The following SUGCT variants were observed in gnomAD, a reference collection of about 807,000 sequenced individuals.
SUGCT encodes the protein succinyl-CoA:glutarate-CoA transferase, also known as succinyl-CoA:glutarate CoA-transferase.
In SUGCT, 41 loss-of-function variants were observed where a neutral mutation model predicts 55.0. The ratio of observed to expected loss-of-function variants is 0.74; its 90% confidence interval spans 0.58 to 0.97. The LOEUF is 0.97. SUGCT is among the 50% of genes least tolerant of loss of function. The probability of loss-of-function intolerance (pLI) is 0.00; values close to 1 mark genes in which losing one functional copy is unlikely to be tolerated. For missense variants in SUGCT, 568 were observed against 547.8 expected (o/e 1.04, Z -0.37); for synonymous variants, 187 against 200.4 (o/e 0.93, Z 0.56).
At chr7:40,481,599 A>G (rs1200372356) in intron 11 of SUGCT, among the ~76,000 whole-genome samples, 2 of 152,108 alleles carry the variant, frequency 1.3e-5, no homozygotes, top group African/African-American at 4.8e-5. Context: ...CTACACATTT[A>G]TAAGAAAATA....
rs1391215135 is a variant in SUGCT at position 40,182,016 on chromosome 7, G to T, written c.214G>T (p.Val72Leu). ...LGDLGAEVIK[V>L]ERPGAGDDTR... ...AGATCTTGGAGCAGAAGTTATAAAA[G>T]TGGAGAGACCAGGTAAAGCTATTAC... is the stretch of plus-strand genomic sequence containing the variant. Residue 72 changes from valine (V) to leucine (L), a missense_variant, in exon 3 of 14, where the codon GTG (valine) becomes TTG (leucine). Physicochemically the swap from Val to Leu is conservative, Grantham distance 32 (BLOSUM62 1). Transcript: ENST00000335693. 4 of 1,594,744 alleles carry T rather than the reference G, an allele frequency of 2.5e-6. No individual in the cohort carries two copies. Among genetic ancestry groups the T allele is most frequent in the Non-Finnish European group, 3.4e-6 (4 of 1,167,332 alleles).
Position 40,832,678 on chromosome 7 carries a change from T to G in SUGCT, c.1154-27638T>G, listed in dbSNP as rs1218055316. Among the ~76,000 whole-genome samples the G allele has an allele frequency of 2.7e-4, 24 of 88,558 alleles. No individual in the cohort carries two copies. The Admixed American group carries it at 3.1e-3, about 11-fold the overall frequency. 58.1% of individuals were successfully genotyped at this position (88,558 alleles called of 152,430 possible). A position where few individuals can be genotyped will look rare whatever the true frequency, so the allele number is the denominator to read the frequency against. On this transcript the variant is annotated intron_variant, in intron 13 of 13. Coordinates refer to ENST00000335693, the MANE Select transcript of SUGCT (RefSeq NM_001193313.2). ...CCTTCTTTGTTTCTTCCACTCCTAC[T>G]TTTTTTTTTTTTTTGAGACAGAGTC...
intron 12 of SUGCT, among the ~76,000 whole-genome samples, chr7:40,646,293 C>G (rs1800506104): frequency 6.6e-6 from 1 of 152,176 alleles, no homozygotes; most frequent in African/African-American, 2.4e-5. Context: ...ATTAGTCTTT[C>G]CACTTCTACC....
chr7:40,454,505 A>G (rs1397023950), intron 10 of SUGCT, among the ~76,000 whole-genome samples: 2 of 152,218 alleles, frequency 1.3e-5, no homozygotes, highest in African/African-American at 2.4e-5. Flanking sequence ...GGGATAGCCT[A>G]TTCCTCCTAG....
At chr7:40,837,705 C>G (rs1793060269) in intron 13 of SUGCT, among the ~76,000 whole-genome samples, 1 of 152,088 alleles carries the variant, frequency 6.6e-6, no homozygotes, top group Non-Finnish European at 1.5e-5. Context: ...AGGTTGCCTC[C>G]TGGGTTCAAG....
chr7:40,895,735 C>T, the SUGCT span, among the ~76,000 whole-genome samples: 22 of 151,964 alleles, frequency 1.4e-4, no homozygotes, highest in Admixed American at 1.0e-3. Flanking sequence ...CCACAAAGTC[C>T]TCAAATAGTA....
chr7:40,998,153 G>A, the SUGCT span, among the ~76,000 whole-genome samples: 11 of 152,228 alleles, frequency 7.2e-5, no homozygotes, highest in African/African-American at 2.4e-4. Flanking sequence ...GAACACCTGA[G>A]GCCAGGAGGT....
chr7:40,651,315 G>A (rs1014338303), intron 12 of SUGCT, among the ~76,000 whole-genome samples: 4 of 151,988 alleles, frequency 2.6e-5, no homozygotes, highest in African/African-American at 9.7e-5. Flanking sequence ...TTTCATTGTG[G>A]TTTTAATTTG....
At chr7:40,997,887 C>G in the SUGCT span, among the ~76,000 whole-genome samples, 1 of 152,206 alleles carries the variant, frequency 6.6e-6, no homozygotes, top group East Asian at 1.9e-4. Context: ...CATTTCCTGT[C>G]TTGACAATGG....
At chr7:40,266,448 C>A (rs1245749707) in intron 7 of SUGCT, among the ~76,000 whole-genome samples, 1 of 151,940 alleles carries the variant, frequency 6.6e-6, no homozygotes, top group Admixed American at 6.6e-5. Context: ...TGCGCCTGGC[C>A]TGAAATAGTT....
intron 8 of SUGCT, among the ~76,000 whole-genome samples, chr7:40,295,117 A>G (rs890511841): frequency 2.0e-5 from 3 of 152,236 alleles, no homozygotes; most frequent in East Asian, 1.9e-4. Context: ...AGTATGGAGC[A>G]TAGTACTTTT....
chr7:40,299,730 G>A (rs1794413444), intron 8 of SUGCT, among the ~76,000 whole-genome samples: 1 of 151,892 alleles, frequency 6.6e-6, no homozygotes, highest in Non-Finnish European at 1.5e-5. Flanking sequence ...ATACTTCTTG[G>A]AAATCTTATT....
intron 7 of SUGCT, among the ~76,000 whole-genome samples, chr7:40,266,302 A>G (rs1791574361): frequency 6.9e-6 from 1 of 144,738 alleles, no homozygotes; most frequent in Non-Finnish European, 1.5e-5. Flanking sequence ...GGTGCTTGCC[A>G]CCATGCCTGG....
intron 6 of SUGCT, among the ~76,000 whole-genome samples, chr7:40,198,851 G>A (rs1190394357): frequency 6.6e-6 from 1 of 152,114 alleles, no homozygotes; most frequent in African/African-American, 2.4e-5. Context: ...ACAAAAATTA[G>A]CTGGGTATGG....
chr7:40,255,660 CAAAAAAAAAAAAAAA>C (rs70996898), intron 7 of SUGCT, among the ~76,000 whole-genome samples: 2 of 54,208 alleles, frequency 3.7e-5, no homozygotes, highest in African/African-American at 8.5e-5. Context: ...GACTCTGTAT[CAAAAAAAAAAAAAAA>C]AAAAAAAAAA....
the SUGCT span, among the ~76,000 whole-genome samples, chr7:40,930,508 G>T: frequency 6.6e-6 from 1 of 152,110 alleles, no homozygotes; most frequent in Non-Finnish European, 1.5e-5. Context: ...AAATTACCTT[G>T]GGCAGTATGG....
intron 6 of SUGCT, among the ~76,000 whole-genome samples, chr7:40,213,927 G>T (rs1787483040): frequency 6.6e-6 from 1 of 151,748 alleles, no homozygotes; most frequent in Admixed American, 6.6e-5. Flanking sequence ...CCTCCTCCTT[G>T]CATCAGCCCT....
At chr7:40,351,135 G>C (rs1265919570) in intron 9 of SUGCT, among the ~76,000 whole-genome samples, 2 of 152,002 alleles carry the variant, frequency 1.3e-5, no homozygotes, top group Non-Finnish European at 2.9e-5. Context: ...CTTTATTGCT[G>C]TGTAAGCCTT....
intron 6 of SUGCT, among the ~76,000 whole-genome samples, chr7:40,201,019 G>C (rs572032407): frequency 3.9e-5 from 6 of 151,930 alleles, no homozygotes; most frequent in African/African-American, 7.2e-5. Context: ...GAGTTAGTCT[G>C]TGTGTGTGTG....
Sources: gnomAD v4.1 joint callset for allele counts (sites outside exome capture counted in the v4.1 genomes callset) on GRCh38, gnomAD v4.1.1 for gene constraint, MANE v1.5 for transcripts, NCBI Gene and HGNC (gene_info 2026-07-23, HGNC 2026-07-21) for gene names.